MEIS2: variants seen among roughly 807,000 people sequenced by gnomAD.
MEIS2 encodes the protein homeobox protein Meis2.
A neutral mutation model predicts 58.6 loss-of-function variants in MEIS2; 9 were observed. The ratio of observed to expected loss-of-function variants is 0.15; its 90% confidence interval spans 0.09 to 0.27. MEIS2 has a LOEUF of 0.27. MEIS2 is among the 10% of genes least tolerant of loss of function. The pLI is 1.00. For missense variants in MEIS2, 427 were observed against 635.0 expected, an observed-to-expected ratio of 0.67 and a Z score of 3.52; for synonymous variants, 221 against 228.4, an observed-to-expected ratio of 0.97 and a Z score of 0.29.
intron 8 of MEIS2, among the ~76,000 whole-genome samples, chr15:36,952,607 C>CTGTGTGTGTGTGTGTG (rs59061267): frequency 1.0e-4 from 14 of 139,994 alleles, no homozygotes; most frequent in Non-Finnish European, 1.7e-4. Flanking sequence ...GTCTCTCTCT[C>CTGTGTGTGTGTGTGTG]TGTGTGTGTG....
chr15:36,890,257 G>T lies in MEIS2; in HGVS notation c.*1916C>A, dbSNP rs1243535941. ...AGTATATTTATTTGAAAATTGAGGG[G>T]ACATGCCTCACCCTTTTTGCACACT... On this transcript the variant is annotated 3_prime_UTR_variant, in exon 12 of 12. Coordinates refer to ENST00000561208, the MANE Select transcript of MEIS2 (RefSeq NM_170675.5). 1 of 152,110 alleles carries T rather than the reference G, an allele frequency of 6.6e-6. No individual in the cohort carries two copies. The highest frequency in any genetic ancestry group is 1.5e-5 in the Non-Finnish European group (1 of 68,006). 9.4% of individuals were successfully genotyped at this position (152,110 alleles called of 1,614,324 possible). A position where few individuals can be genotyped will look rare whatever the true frequency, so the allele number is the denominator to read the frequency against.
At chr15:37,012,411 T>C (rs2061195899) in intron 8 of MEIS2, among the ~76,000 whole-genome samples, 1 of 152,222 alleles carries the variant, frequency 6.6e-6, no homozygotes, top group South Asian at 2.1e-4. Context: ...GAAAGCATGC[T>C]TCCGTTTTTA....
intron 6 of MEIS2, among the ~76,000 whole-genome samples, chr15:37,091,462 C>T (rs1038648056): frequency 2.6e-5 from 4 of 152,162 alleles, no homozygotes; most frequent in African/African-American, 9.6e-5. Flanking sequence ...TAAATTATGA[C>T]ACCCAATGAA....
At chr15:37,074,349 AG>A (rs1891095586) in intron 7 of MEIS2, among the ~76,000 whole-genome samples, 1 of 152,040 alleles carries the variant, frequency 6.6e-6, no homozygotes, top group South Asian at 2.1e-4. Context: ...ACCAAAAACA[AG>A]AAACAGAAAT....
Position 37,094,563 on chromosome 15 carries a change from T to C in MEIS2, c.453A>G (p.Ile151Met). ...PELDNLMIQAIQVLRFHLLEL... is the reference protein window; with the variant it reads ...PELDNLMIQAMQVLRFHLLEL... ...CCAAAAGATGAAACCTTAGTACTTG[T>C]ATTGCTTGTATCATCTGAAAGAAAA... Residue 151 changes from isoleucine (I) to methionine (M), a missense_variant, in exon 5 of 12, where the codon ATA becomes ATG. Ile to Met is a conservative substitution (Grantham distance 10, BLOSUM62 1). Transcript: ENST00000561208. 2 of 1,612,674 alleles carry C rather than the reference T, an allele frequency of 1.2e-6. No homozygotes were observed. The highest frequency in any genetic ancestry group is 1.7e-6 in the Non-Finnish European group (2 of 1,179,420).
At chr15:36,960,736 T>G (rs868744117) in intron 8 of MEIS2, among the ~76,000 whole-genome samples, 1 of 152,188 alleles carries the variant, frequency 6.6e-6, no homozygotes, top group Non-Finnish European at 1.5e-5. Flanking sequence ...ATATTTTTTC[T>G]GTTTAATTAT....
chr15:37,082,880 C>G (rs1892417173), intron 7 of MEIS2, among the ~76,000 whole-genome samples: 1 of 149,888 alleles, frequency 6.7e-6, no homozygotes, highest in Admixed American at 6.6e-5. Flanking sequence ...AGCTGTTAAA[C>G]TGTCCTCTAC....
intron 8 of MEIS2, among the ~76,000 whole-genome samples, chr15:36,954,304 C>CA (rs1022423021): frequency 1.7e-4 from 25 of 150,388 alleles, no homozygotes; most frequent in African/African-American, 5.4e-4. Context: ...GCTTGTAGCG[C>CA]AAAAAAAATC....
chr15:36,911,848 A>G (rs1038570627), intron 9 of MEIS2, among the ~76,000 whole-genome samples: 1 of 152,142 alleles, frequency 6.6e-6, no homozygotes, highest in Admixed American at 6.5e-5. Context: ...GTTTTGGTCC[A>G]CTTAAAATTA....
chr15:36,977,000 C>T (rs1485111658), intron 8 of MEIS2, among the ~76,000 whole-genome samples: 2 of 152,094 alleles, frequency 1.3e-5, no homozygotes, highest in Non-Finnish European at 2.9e-5. Context: ...GTGGCGCATG[C>T]CTCTAATCCC....
At chr15:36,936,239 G>T (rs1160157955) in intron 9 of MEIS2, among the ~76,000 whole-genome samples, 1 of 149,022 alleles carries the variant, frequency 6.7e-6, no homozygotes, top group Non-Finnish European at 1.5e-5. Flanking sequence ...CTGTCGCCCA[G>T]GCTGGAGTGC....
At chr15:37,039,186 C>T (rs1457095146) in intron 7 of MEIS2, among the ~76,000 whole-genome samples, 6 of 152,154 alleles carry the variant, frequency 3.9e-5, no homozygotes, top group Admixed American at 2.0e-4. Flanking sequence ...TGTCTGTCTA[C>T]CTACCATGGA....
intron 7 of MEIS2, among the ~76,000 whole-genome samples, chr15:37,054,149 TATTTCCAGCTTTACTAGC>T (rs1401666815): frequency 2.6e-5 from 4 of 152,258 alleles, no homozygotes; most frequent in African/African-American, 9.6e-5. Context: ...CATAAAGCAT[TATTTCCAGCTTTACTAGC>T]AATTGTAATA....
intron 8 of MEIS2, among the ~76,000 whole-genome samples, chr15:36,962,551 G>C (rs1045948733): frequency 6.6e-6 from 1 of 150,592 alleles, no homozygotes; most frequent in Non-Finnish European, 1.5e-5. Flanking sequence ...TTTTACTGTC[G>C]CAGTGTTATT....
intron 8 of MEIS2, among the ~76,000 whole-genome samples, chr15:37,036,225 A>G (rs2062146746): frequency 6.6e-6 from 1 of 152,200 alleles, no homozygotes; most frequent in South Asian, 2.1e-4. Flanking sequence ...AATGGACTTG[A>G]GCAGCTAAAA....
intron 7 of MEIS2, among the ~76,000 whole-genome samples, chr15:37,080,313 C>T (rs1331449737): frequency 1.3e-5 from 2 of 152,154 alleles, no homozygotes; most frequent in African/African-American, 4.8e-5. Context: ...AATTTGTCAA[C>T]ATCTCAATTA....
intron 7 of MEIS2, among the ~76,000 whole-genome samples, chr15:37,068,501 G>A (rs1183855190): frequency 6.6e-6 from 1 of 152,106 alleles, no homozygotes; most frequent in African/African-American, 2.4e-5. Flanking sequence ...TCGTCAAATT[G>A]CAACAATTTA....
chr15:36,950,119 G>C (rs143264282), intron 9 of MEIS2, among the ~76,000 whole-genome samples: 87 of 151,150 alleles, frequency 5.8e-4, no homozygotes, highest in African/African-American at 1.9e-3. Context: ...GAGAGAAAAA[G>C]AAAAGGAATA....
intron 8 of MEIS2, among the ~76,000 whole-genome samples, chr15:36,968,650 G>T (rs140726827): frequency 1.1e-4 from 17 of 152,330 alleles, no homozygotes; most frequent in African/African-American, 3.8e-4. Flanking sequence ...GATTTCTTAA[G>T]GAAGCTGATG....
Sources: gnomAD v4.1 joint callset for allele counts (sites outside exome capture counted in the v4.1 genomes callset) on GRCh38, gnomAD v4.1.1 for gene constraint, MANE v1.5 for transcripts, NCBI Gene and HGNC (gene_info 2026-07-23, HGNC 2026-07-21) for gene names.